Variants in MMS22L observed in about 807,000 individuals in gnomAD.
The protein encoded by MMS22L is MMS22 like, DNA repair protein.
A neutral mutation model predicts 159.1 loss-of-function variants in MMS22L; 74 were observed. That is an observed-to-expected ratio of 0.47 (90% CI 0.39 to 0.56). The LOEUF (loss-of-function observed/expected upper bound fraction) is 0.56, where lower values mean the gene tolerates loss of function less well. MMS22L is among the 20% of genes least tolerant of loss of function. The pLI, the probability that MMS22L is intolerant of heterozygous loss-of-function variation, is 0.00. For synonymous variants in MMS22L, 517 were observed against 506.9 expected, an observed-to-expected ratio of 1.02 and a Z score of -0.27; for missense variants, 1,351 against 1,422.1, an observed-to-expected ratio of 0.95 and a Z score of 0.80.
rs1293074529 is a variant in MMS22L at position 97,272,790 on chromosome 6, G to A, written c.520C>T (p.Leu174Phe). The change falls in exon 6 of 25, where the codon CTT (leucine) becomes TTT (phenylalanine). Residue 174 changes from leucine (L) to phenylalanine (F), a missense_variant. Leu to Phe is a conservative substitution (Grantham distance 22). Coordinates refer to ENST00000683635, the MANE Select transcript of MMS22L (RefSeq NM_001350599.2). Reference sequence around the variant, plus strand: ...CCAATATACAAGAGTAATCCATGAAGCTCATCAATCAACACTGAGGGAAGC... The same window carrying A: ...CCAATATACAAGAGTAATCCATGAAACTCATCAATCAACACTGAGGGAAGC... ...AQLPSVLIDE[L>F]HGLLLYIGHL... The A allele has an allele frequency of 3.1e-6, 5 of 1,613,916 alleles. No individual in the cohort carries two copies. The highest frequency in any genetic ancestry group is 4.2e-6 in the Non-Finnish European group (5 of 1,179,854).
At chr6:97,263,295 G>A (rs1307345245) in intron 9 of MMS22L, 40 bp downstream of exon 9, 3 of 1,199,336 alleles carry the variant, frequency 2.5e-6, no homozygotes, top group Non-Finnish European at 3.6e-6. Flanking sequence ...TCAATATAAA[G>A]GTTAGTAACA....
At chr6:97,172,593 G>C (rs1046856086) in intron 19 of MMS22L, among the ~76,000 whole-genome samples, 2 of 152,114 alleles carry the variant, frequency 1.3e-5, no homozygotes, top group African/African-American at 4.8e-5. Flanking sequence ...TTTTTGAAAA[G>C]GGAAGAGTAT....
intron 11 of MMS22L, among the ~76,000 whole-genome samples, chr6:97,244,598 C>T (rs1183628859): frequency 1.3e-5 from 2 of 152,172 alleles, no homozygotes; most frequent in Admixed American, 1.3e-4. Flanking sequence ...CTTAGTCTCA[C>T]ATCCTACATT....
At chr6:97,211,498 C>T (rs1808369239) in intron 14 of MMS22L, among the ~76,000 whole-genome samples, 2 of 151,968 alleles carry the variant, frequency 1.3e-5, no homozygotes, top group African/African-American at 4.8e-5. Context: ...AAATCTTCAT[C>T]TTCTAGTAGT....
At chr6:97,213,704 T>C (rs1457761216) in intron 14 of MMS22L, among the ~76,000 whole-genome samples, 2 of 152,208 alleles carry the variant, frequency 1.3e-5, no homozygotes, top group African/African-American at 2.4e-5. Context: ...AAAAACTCTC[T>C]AGAGCCTTCA....
intron 11 of MMS22L, among the ~76,000 whole-genome samples, chr6:97,237,759 G>A (rs1811570819): frequency 6.6e-6 from 1 of 152,052 alleles, no homozygotes; most frequent in African/African-American, 2.4e-5. Context: ...ACCAAAGAAG[G>A]CAAGGTTCTG....
intron 6 of MMS22L, 145 bp downstream of exon 6, chr6:97,272,558 TA>T: frequency 1.5e-6 from 1 of 659,024 alleles, no homozygotes; most frequent in Non-Finnish European, 2.5e-6. Context: ...ACACAATTAA[TA>T]AAAGGAGGAT....
intron 11 of MMS22L, among the ~76,000 whole-genome samples, chr6:97,237,579 GAAT>G (rs1318883319): frequency 1.2e-4 from 19 of 152,222 alleles, no homozygotes; most frequent in African/African-American, 4.1e-4. Context: ...CTGAAAGATA[GAAT>G]AATACCCACA....
chr6:97,239,672 T>G (rs376051703), intron 11 of MMS22L, among the ~76,000 whole-genome samples: 1 of 152,156 alleles, frequency 6.6e-6, no homozygotes, highest in African/African-American at 2.4e-5. Context: ...CAAGCACTAT[T>G]GGAAGCTGAG....
At position 97,254,535 on chromosome 6, in the gene MMS22L, T is replaced by A. The variant is rs1289303747; in HGVS notation, c.1119+22A>T. ...CATATTAATTGACAATATAAGAAAG[T>A]TTTTAAAAAATGAAGTCTTACCATT... is the stretch of plus-strand genomic sequence containing the variant. On this transcript the variant is annotated intron_variant, in intron 10 of 24. Coordinates refer to ENST00000683635, the MANE Select transcript of MMS22L (RefSeq NM_001350599.2). The A allele has an allele frequency of 3.1e-6, 5 of 1,601,006 alleles. No homozygotes were observed. In the Admixed American group the frequency reaches 6.8e-5, roughly 22 times the overall value.
intron 14 of MMS22L, among the ~76,000 whole-genome samples, chr6:97,203,424 T>C (rs935740885): frequency 6.6e-6 from 1 of 152,224 alleles, no homozygotes; most frequent in African/African-American, 2.4e-5. Context: ...TACAACATGC[T>C]GAGGCTGGGA....
rs754243176 is a variant in MMS22L at position 97,145,065 on chromosome 6, C to CACACAA, written c.*1740_*1741insTTGTGT. 7.4e-6 allele frequency: 1 copy of CACACAA among 135,414 alleles called. No homozygotes were observed. Among genetic ancestry groups the CACACAA allele is most frequent in the African/African-American group, 3.3e-5 (1 of 30,656 alleles). The allele number at this position is 135,414 out of a possible 1,614,324, so 8.4% of individuals were successfully genotyped here. ...ACACACACACACACACACACACACA[C>CACACAA]AAAAACACATATACACATAAATAAC... On this transcript the variant is annotated 3_prime_UTR_variant, in exon 25 of 25. Coordinates refer to ENST00000683635, the MANE Select transcript of MMS22L (RefSeq NM_001350599.2).
At chr6:97,163,250 G>A (rs1267867570) in intron 21 of MMS22L, among the ~76,000 whole-genome samples, 1 of 151,950 alleles carries the variant, frequency 6.6e-6, no homozygotes, top group East Asian at 1.9e-4. Context: ...GGCCCACCAT[G>A]GAGTGGAGAA....
chr6:97,210,456 T>C (rs1476272202), intron 14 of MMS22L, among the ~76,000 whole-genome samples: 1 of 152,094 alleles, frequency 6.6e-6, no homozygotes, highest in East Asian at 1.9e-4. Flanking sequence ...GATTCATTTA[T>C]GTATATGAAA....
intron 4 of MMS22L, among the ~76,000 whole-genome samples, chr6:97,273,472 T>A (rs535730215): frequency 3.3e-5 from 5 of 152,308 alleles, no homozygotes; most frequent in Non-Finnish European, 5.9e-5. Context: ...TCTTCCCATA[T>A]GTATGATCTC....
At chr6:97,277,895 G>A (rs1412578491) in intron 4 of MMS22L, among the ~76,000 whole-genome samples, 1 of 152,108 alleles carries the variant, frequency 6.6e-6, no homozygotes, top group South Asian at 2.1e-4. Context: ...GTTCCAGGTA[G>A]TCTTTGGTTG....
intron 14 of MMS22L, among the ~76,000 whole-genome samples, chr6:97,193,089 G>A (rs1326930287): frequency 1.3e-5 from 2 of 152,068 alleles, no homozygotes; most frequent in Non-Finnish European, 2.9e-5. Flanking sequence ...CTTAATAAAG[G>A]TAGTTATAAA....
intron 9 of MMS22L, among the ~76,000 whole-genome samples, chr6:97,258,182 T>A (rs1406266501): frequency 3.9e-5 from 6 of 152,228 alleles, no homozygotes; most frequent in Admixed American, 3.9e-4. Context: ...TTTGTCAACC[T>A]AAAATTCTTT....
chr6:97,242,042 T>A (rs768028684), intron 11 of MMS22L, among the ~76,000 whole-genome samples: 3 of 152,192 alleles, frequency 2.0e-5, no homozygotes, highest in Non-Finnish European at 4.4e-5. Context: ...TTGGAGAATG[T>A]TCCATGTGCT....
Sources: gnomAD v4.1 joint callset for allele counts (sites outside exome capture counted in the v4.1 genomes callset) on GRCh38, gnomAD v4.1.1 for gene constraint, MANE v1.5 for transcripts, NCBI Gene and HGNC (gene_info 2026-07-23, HGNC 2026-07-21) for gene names.